The following XKR6 variants were observed in gnomAD, a reference collection of about 807,000 sequenced individuals.
The protein encoded by XKR6 is XK-related protein 6.
In XKR6, 22 loss-of-function variants were observed where a neutral mutation model predicts 56.7. The ratio of observed to expected loss-of-function variants is 0.39; its 90% CI spans 0.28 to 0.55. The LOEUF (loss-of-function observed/expected upper bound fraction) is 0.55. Ranked by LOEUF, XKR6 falls within the 20% of genes least tolerant of loss-of-function variation. The pLI is 0.66. For missense variants in XKR6, 852 were observed against 889.0 expected, an observed-to-expected ratio of 0.96 and a Z score of 0.53; for synonymous variants, 524 against 387.8, an observed-to-expected ratio of 1.35 and a Z score of -4.13.
At chr8:11,156,237 C>T (rs1238150867) in intron 1 of XKR6, among the ~76,000 whole-genome samples, 6 of 152,164 alleles carry the variant, frequency 3.9e-5, no homozygotes, top group African/African-American at 1.2e-4. Context: ...AGGCCTTTGT[C>T]GGTTTTTCTC....
chr8:11,020,399 AG>A (rs1338278315), intron 1 of XKR6, among the ~76,000 whole-genome samples: 1 of 152,224 alleles, frequency 6.6e-6, no homozygotes. Flanking sequence ...TTGACAAATA[AG>A]AATTGAGTCC....
At chr8:11,193,271 C>G (rs1293336388) in intron 1 of XKR6, among the ~76,000 whole-genome samples, 1 of 152,066 alleles carries the variant, frequency 6.6e-6, no homozygotes, top group Non-Finnish European at 1.5e-5. Context: ...ACACTCCATT[C>G]AAAACAAAAA....
At chr8:11,149,554 G>A (rs1429916069) in intron 1 of XKR6, among the ~76,000 whole-genome samples, 2 of 150,972 alleles carry the variant, frequency 1.3e-5, no homozygotes, top group Non-Finnish European at 2.9e-5. Context: ...TTTGTAATAT[G>A]AAAAAAATAT....
chr8:10,953,712 G>A (rs145109369), intron 1 of XKR6, among the ~76,000 whole-genome samples: 62 of 152,174 alleles, frequency 4.1e-4, no homozygotes, highest in East Asian at 1.5e-3. Context: ...ATAATTCACC[G>A]GTTTCAGTAC....
At chr8:11,082,342 C>A (rs570717633) in intron 1 of XKR6, among the ~76,000 whole-genome samples, 13 of 152,326 alleles carry the variant, frequency 8.5e-5, no homozygotes, top group African/African-American at 3.1e-4. Flanking sequence ...AATGTGGGAG[C>A]AAGAGTTGGT....
At chr8:11,074,979 C>A (rs1020645145) in intron 1 of XKR6, among the ~76,000 whole-genome samples, 9 of 152,334 alleles carry the variant, frequency 5.9e-5, no homozygotes, top group African/African-American at 2.2e-4. Flanking sequence ...CAGACCAGAC[C>A]AGGACGCAGA....
intron 1 of XKR6, among the ~76,000 whole-genome samples, chr8:11,125,579 T>C (rs992910985): frequency 6.6e-6 from 1 of 152,118 alleles, no homozygotes; most frequent in African/African-American, 2.4e-5. Flanking sequence ...CCTCATGGCT[T>C]CCTGAGACCT....
intron 1 of XKR6, among the ~76,000 whole-genome samples, chr8:10,959,634 C>T (rs1413648102): frequency 6.6e-6 from 1 of 152,084 alleles, no homozygotes; most frequent in Non-Finnish European, 1.5e-5. Context: ...GTTGCTGAGG[C>T]CCCACCTTCA....
intron 1 of XKR6, among the ~76,000 whole-genome samples, chr8:11,039,998 G>A (rs1799245241): frequency 1.3e-5 from 2 of 152,172 alleles, no homozygotes; most frequent in Admixed American, 6.5e-5. Flanking sequence ...CCACCTTCCA[G>A]CAATTGCTCA....
intron 2 of XKR6, among the ~76,000 whole-genome samples, chr8:10,920,857 C>G (rs1230873552): frequency 1.3e-5 from 2 of 152,226 alleles, no homozygotes; most frequent in Non-Finnish European, 2.9e-5. Flanking sequence ...CAACAGGTCC[C>G]AAATATATTT....
At chr8:11,064,238 C>G (rs551494228) in intron 1 of XKR6, among the ~76,000 whole-genome samples, 3 of 152,348 alleles carry the variant, frequency 2.0e-5, no homozygotes, top group Non-Finnish European at 4.4e-5. Flanking sequence ...CTGAGACACA[C>G]TCCCTCCCCA....
At chr8:11,172,985 C>A (rs1338988598) in intron 1 of XKR6, among the ~76,000 whole-genome samples, 1 of 152,122 alleles carries the variant, frequency 6.6e-6, no homozygotes, top group East Asian at 1.9e-4. Context: ...AAGCCATTAA[C>A]AGATCTATAA....
chr8:11,085,801 A>G (rs1388431876), intron 1 of XKR6, among the ~76,000 whole-genome samples: 1 of 152,082 alleles, frequency 6.6e-6, no homozygotes, highest in Non-Finnish European at 1.5e-5. Context: ...CTTCCTCCTC[A>G]TACCCCAGCT....
chr8:10,913,851 A>C (rs1800479540), intron 2 of XKR6, among the ~76,000 whole-genome samples: 1 of 152,194 alleles, frequency 6.6e-6, no homozygotes, highest in South Asian at 2.1e-4. Flanking sequence ...CGGGTGTGGA[A>C]AAGGATGGGG....
At chr8:11,029,133 G>C (rs763580882) in intron 1 of XKR6, among the ~76,000 whole-genome samples, 1 of 152,036 alleles carries the variant, frequency 6.6e-6, no homozygotes, top group African/African-American at 2.4e-5. Context: ...CATGTGAGCT[G>C]TCCCCAAGAA....
At chr8:11,068,898 C>T (rs1442307000) in intron 1 of XKR6, among the ~76,000 whole-genome samples, 1 of 152,216 alleles carries the variant, frequency 6.6e-6, no homozygotes, top group Non-Finnish European at 1.5e-5. Context: ...AATCTCCTCC[C>T]TTGATCCGAA....
rs1287708794 is a variant in XKR6, at chr8:11,160,904, TC to T, written c.764+39671del. ...TCCAGCCTGGGCAACAGAACGAGAC[TC>T]CGTCTCAAAAAAAAAAAAAAAAAAA... is the stretch of plus-strand genomic sequence containing the variant. On this transcript the variant is annotated intron_variant, in intron 1 of 2. Coordinates refer to ENST00000416569, the MANE Select transcript of XKR6 (RefSeq NM_173683.4). Among the ~76,000 whole-genome samples the T allele has an allele frequency of 9.8e-5, 8 of 81,990 alleles. No individual in the cohort carries two copies. In the East Asian group the frequency reaches 2.7e-3, roughly 27 times the overall value. The allele number at this position is 81,990 out of a possible 152,430, so 53.8% of individuals were successfully genotyped here.
intron 1 of XKR6, among the ~76,000 whole-genome samples, chr8:11,138,933 A>C (rs1304355717): frequency 6.6e-6 from 1 of 152,168 alleles, no homozygotes; most frequent in Non-Finnish European, 1.5e-5. Flanking sequence ...AAAAAAAAAA[A>C]AAACCTGACC....
intron 1 of XKR6, among the ~76,000 whole-genome samples, chr8:11,173,747 T>C (rs1042288275): frequency 6.6e-6 from 1 of 152,200 alleles, no homozygotes; most frequent in African/African-American, 2.4e-5. Flanking sequence ...AAGGGTTTTC[T>C]TCTGCTCACA....
Sources: allele counts gnomAD v4.1 joint callset (sites outside exome capture counted in the v4.1 genomes callset), GRCh38; gene constraint gnomAD v4.1.1; transcripts MANE v1.5; gene names NCBI Gene and HGNC (gene_info 2026-07-23, HGNC 2026-07-21).